MYO1G: variants seen among roughly 807,000 people sequenced by gnomAD.
MYO1G encodes the protein myosin IG, also known as unconventional myosin-Ig.
A neutral mutation model predicts 115.3 loss-of-function variants in MYO1G; 65 were observed. The ratio of observed to expected loss-of-function variants is 0.56; its 90% confidence interval spans 0.46 to 0.69. The LOEUF (loss-of-function observed/expected upper bound fraction) is 0.69, where lower values mean the gene tolerates loss of function less well. MYO1G is among the 30% of genes least tolerant of loss of function. The probability of loss-of-function intolerance (pLI) is 0.00; values close to 1 mark genes in which losing one functional copy is unlikely to be tolerated. For missense variants in MYO1G, 1,204 were observed against 1,393.5 expected (o/e 0.86, Z 2.16); for synonymous variants, 510 against 552.6 (o/e 0.92, Z 1.08).
chr7:44,976,859 G>A lies in MYO1G; in HGVS notation c.304+4C>T. 1 of 1,613,208 alleles carries A rather than the reference G, an allele frequency of 6.2e-7. No homozygotes were observed. Among genetic ancestry groups the A allele is most frequent in the South Asian group, 1.1e-5 (1 of 91,082 alleles). On this transcript the variant is annotated splice_donor_region_variant and intron_variant, in intron 2 of 21. Coordinates refer to ENST00000258787, the MANE Select transcript of MYO1G (RefSeq NM_033054.3). ...GGTGGGGGCCCGGCGGCAGGGACAG[G>A]TACCTGAGATGACGATGCAGGTGTC...
chr7:44,969,637 G>A lies in MYO1G; in HGVS notation c.1503+68C>T. On this transcript the variant is annotated intron_variant, in intron 11 of 21. Transcript: ENST00000258787. This position sits in a 1 kb window ranked among gnomAD's most constrained non-coding sequence, Gnocchi z 5.0. ...CCCCAACCAGGCCCCACGAGGCATG[G>A]GCAGCATGGTGCCTGTGGGGCAGGT... 1 of 1,591,182 alleles carries A rather than the reference G, an allele frequency of 6.3e-7. No homozygotes were observed. The highest frequency in any genetic ancestry group is 1.1e-5 in the South Asian group (1 of 90,038).
intron 14 of MYO1G, among the ~76,000 whole-genome samples, chr7:44,967,088 G>A (rs1272852807): frequency 6.6e-6 from 1 of 152,200 alleles, no homozygotes; most frequent in African/African-American, 2.4e-5. Flanking sequence ...GGCAGGAGCA[G>A]GCCTCGCCCC....
chr7:44,966,599 C>T lies in MYO1G; in HGVS notation c.1949+73G>A. 5.7e-6 allele frequency: 9 copies of T among 1,581,678 alleles called. No homozygotes were observed. The highest frequency in any genetic ancestry group is 7.8e-6 in the Non-Finnish European group (9 of 1,153,484). On this transcript the variant is annotated intron_variant, in intron 15 of 21. Coordinates refer to ENST00000258787, the MANE Select transcript of MYO1G (RefSeq NM_033054.3). This position sits in a 1 kb window ranked among gnomAD's most constrained non-coding sequence, Gnocchi z 5.0. ...ATGTTTGCGACGTGCTGTTTGGGGA[C>T]CCTCTGCTCCTACCCCTTGGACTCC... is the stretch of plus-strand genomic sequence containing the variant.
rs899535059 is a variant in MYO1G, at chr7:44,965,803, T to C, written c.2215A>G (p.Ile739Val). 1.2e-6 allele frequency: 2 copies of C among 1,603,878 alleles called. No homozygotes were observed. The highest frequency in any genetic ancestry group is 2.7e-5 in the African/African-American group (2 of 74,868). ...TTGTGTCTCCGGAACCAGCGCATGATGGTGTAGATAGCCCTCAGCCTCCGG... is the reference window on the plus strand; with the variant it reads ...TTGTGTCTCCGGAACCAGCGCATGACGGTGTAGATAGCCCTCAGCCTCCGG... Reference protein sequence around the residue: ...RCRRLRAIYTIMRWFRRHKVR... With the variant: ...RCRRLRAIYTVMRWFRRHKVR... Residue 739 changes from isoleucine (I) to valine (V), a missense_variant, in exon 17 of 22, where the codon ATC becomes GTC. Transcript: ENST00000258787.
chr7:44,975,432 AT>A (rs1208138610), intron 4 of MYO1G, 51 bp downstream of exon 4: 1 of 1,574,752 alleles, frequency 6.4e-7, no homozygotes, highest in African/African-American at 1.3e-5. Flanking sequence ...CAGGCCTGGG[AT>A]GGGTCTCGGC....
Position 44,963,237 on chromosome 7 carries a change from G to C in MYO1G, c.2746-113C>G. 1 of 1,278,848 alleles carries C rather than the reference G, an allele frequency of 7.8e-7. No homozygotes were observed. The highest frequency in any genetic ancestry group is 3.7e-5 in the Admixed American group (1 of 27,204). The allele number at this position is 1,278,848 out of a possible 1,614,324, so 79.2% of individuals were successfully genotyped here. On this transcript the variant is annotated intron_variant, in intron 20 of 21. Coordinates refer to ENST00000258787, the MANE Select transcript of MYO1G (RefSeq NM_033054.3). This position sits in a 1 kb window ranked among gnomAD's most constrained non-coding sequence, Gnocchi z 4.1. ...GAACCCCCAACCGCACCCGGGGAGCGCCGCCCTCGCCAGGGCCACCAGCCC... is the reference window on the plus strand; with the variant it reads ...GAACCCCCAACCGCACCCGGGGAGCCCCGCCCTCGCCAGGGCCACCAGCCC...
rs1226915290 is a variant in MYO1G at position 44,969,168 on chromosome 7, G to T, written c.1574+245C>A. On this transcript the variant is annotated intron_variant, in intron 12 of 21. Coordinates refer to ENST00000258787, the MANE Select transcript of MYO1G (RefSeq NM_033054.3). This position sits in a 1 kb window ranked among gnomAD's most constrained non-coding sequence, Gnocchi z 5.0. ...ATAGGGTTGGGCCCAGACATGAGAC[G>T]TGGGTATTTTTTAAAGGCTCCCAGA... 4.3e-6 allele frequency: 2 copies of T among 464,506 alleles called. No individual in the cohort carries two copies. The highest frequency in any genetic ancestry group is 8.0e-6 in the Non-Finnish European group (2 of 250,714). The allele number at this position is 464,506 out of a possible 1,614,324, so 28.8% of individuals were successfully genotyped here.
Position 44,969,971 on chromosome 7 carries a change from G to T in MYO1G, c.1332+69C>A, listed in dbSNP as rs1007365216. ...TCAGCCACCTGTCAGGCCAGCCCGG[G>T]CCCCTCCCCATGGGCTGAGGCCCCT... On this transcript the variant is annotated intron_variant, in intron 10 of 21. Coordinates refer to ENST00000258787, the MANE Select transcript of MYO1G (RefSeq NM_033054.3). The surrounding 1 kb of genome is among the most constrained non-coding windows in gnomAD (Gnocchi z 5.0). The T allele has an allele frequency of 6.3e-7, 1 of 1,594,364 alleles. No individual in the cohort carries two copies.
Position 44,978,977 on chromosome 7 carries a change from C to T in MYO1G, c.-16G>A. ...CGTCCTCCATCCTGCCGGCTGGAAA[C>T]ACCTTGCCTCACCTTCCTGTGCCTG... On this transcript the variant is annotated 5_prime_UTR_variant, in exon 1 of 22. Coordinates refer to ENST00000258787, the MANE Select transcript of MYO1G (RefSeq NM_033054.3). 3 of 1,611,648 alleles carry T rather than the reference C, an allele frequency of 1.9e-6. No homozygotes were observed. The highest frequency in any genetic ancestry group is 1.7e-6 in the Non-Finnish European group (2 of 1,177,778).
intron 14 of MYO1G, among the ~76,000 whole-genome samples, chr7:44,967,077 G>T (rs1230120030): frequency 1.3e-5 from 2 of 152,212 alleles, no homozygotes; most frequent in African/African-American, 2.4e-5. Context: ...GGCGTGGCAG[G>T]GGCAGGAGCA....
chr7:44,965,174 C>T, intron 17 of MYO1G, 85 bp from the exon 18 acceptor site: 3 of 1,527,442 alleles, frequency 2.0e-6, no homozygotes, highest in Non-Finnish European at 2.7e-6. Flanking sequence ...AAGCTGAGCC[C>T]TCAGCCTGGT....
At position 44,970,056 on chromosome 7, in the gene MYO1G, C is replaced by T. The variant is rs1353491925; in HGVS notation, c.1316G>A (p.Gly439Asp). The change falls in exon 10 of 22, where the codon GGC becomes GAC. Residue 439 changes from glycine to aspartate, a missense_variant. Physicochemically the swap from Gly to Asp is moderately conservative, Grantham distance 94. Transcript: ENST00000258787. ...AGTGCTCACGCTCTGCCAGGTGATG[C>T]CCTCGCGCTCGTACTCTTCCTGTTC... ...KQEQEEYEREGITWQSVEYFN... is the reference protein window; with the variant it reads ...KQEQEEYEREDITWQSVEYFN... 2 of 1,613,794 alleles carry T rather than the reference C, an allele frequency of 1.2e-6. No individual in the cohort carries two copies. Among genetic ancestry groups the T allele is most frequent in the Non-Finnish European group, 1.7e-6 (2 of 1,179,918 alleles).
rs1221839033 is a variant in MYO1G at position 44,977,091 on chromosome 7, G to A, written c.96-20C>T. 6.8e-6 allele frequency: 11 copies of A among 1,610,214 alleles called. No individual in the cohort carries two copies. Among genetic ancestry groups the A allele is most frequent in the Non-Finnish European group, 9.3e-6 (11 of 1,178,306 alleles). ...TCGAACCTGGACACAGCAGGGGTAG[G>A]CCTCAGCACTCACAGGCTTACAGGC... is the stretch of plus-strand genomic sequence containing the variant. On this transcript the variant is annotated intron_variant, in intron 1 of 21. Transcript: ENST00000258787.
chr7:44,972,089 GA>G (rs1329849348), intron 6 of MYO1G, 25 bp downstream of exon 6: 1 of 1,572,084 alleles, frequency 6.4e-7, no homozygotes, highest in East Asian at 2.2e-5. Flanking sequence ...AGCCCAGTTT[GA>G]GCCCTTGGTG....
rs1392886286 is a variant in MYO1G, at chr7:44,964,331, C to T, written c.2631+84G>A. The T allele has an allele frequency of 1.9e-5, 27 of 1,442,692 alleles. No individual in the cohort carries two copies. Among genetic ancestry groups the T allele is most frequent in the Non-Finnish European group, 2.6e-5 (27 of 1,026,888 alleles). The allele number at this position is 1,442,692 out of a possible 1,614,324, so 89.4% of individuals were successfully genotyped here. ...CTCCATTTTCTCCCAAGTGCCCCCC[C>T]AAAACTCTGCACCAGCTTCTAACCT... is the stretch of plus-strand genomic sequence containing the variant. On this transcript the variant is annotated intron_variant, in intron 19 of 21. Transcript: ENST00000258787. The surrounding 1 kb of genome is among the most constrained non-coding windows in gnomAD (Gnocchi z 5.1).
chr7:44,963,009 A>C lies in MYO1G; in HGVS notation c.2861T>G (p.Val954Gly), dbSNP rs1414502760. ...HRSRPPLDNR[V>G]GELVGVLAAH... ...GGCCAGCACGCCCACCAGCTCCCCA[A>C]CGCGGTTGTCCAATGGCGGCCGGGA... is the stretch of plus-strand genomic sequence containing the variant. Residue 954 changes from valine (V) to glycine (G), a missense_variant, in exon 21 of 22, where the codon GTT becomes GGT. Transcript: ENST00000258787. The surrounding 1 kb of genome is among the most constrained non-coding windows in gnomAD (Gnocchi z 4.1). The C allele has an allele frequency of 1.3e-6, 2 of 1,532,872 alleles. No homozygotes were observed. The highest frequency in any genetic ancestry group is 3.9e-5 in the Admixed American group (2 of 50,754). 95.0% of individuals were successfully genotyped at this position (1,532,872 alleles called of 1,614,324 possible).
intron 1 of MYO1G, among the ~76,000 whole-genome samples, chr7:44,978,441 G>A (rs1050203236): frequency 2.0e-5 from 3 of 152,236 alleles, no homozygotes; most frequent in Non-Finnish European, 4.4e-5. Context: ...CCATGGATGA[G>A]ATGCATCGAG....
intron 3 of MYO1G, among the ~76,000 whole-genome samples, chr7:44,976,272 C>T (rs1316450290): frequency 6.6e-6 from 1 of 152,202 alleles, no homozygotes; most frequent in African/African-American, 2.4e-5. Context: ...TCAAGCATCT[C>T]TGGGCCCTGC....
At chr7:44,977,889 G>GGCCTA (rs1277963086) in intron 1 of MYO1G, among the ~76,000 whole-genome samples, 3 of 152,126 alleles carry the variant, frequency 2.0e-5, no homozygotes, top group African/African-American at 7.2e-5. Flanking sequence ...GGTTTTCCTG[G>GGCCTA]GCCTAGCTCC....
Sources: gnomAD v4.1 joint callset for allele counts (sites outside exome capture counted in the v4.1 genomes callset) on GRCh38, gnomAD v4.1.1 for gene constraint, Gnocchi (gnomAD v3.1) non-coding constraint, MANE v1.5 for transcripts, NCBI Gene and HGNC (gene_info 2026-07-23, HGNC 2026-07-21) for gene names.